Variants in CABCOCO1 observed in about 807,000 individuals in gnomAD.
The protein encoded by CABCOCO1 is ciliary associated calcium binding coiled-coil 1, also known as ciliary-associated calcium-binding coiled-coil protein 1.
A neutral mutation model predicts 35.7 loss-of-function variants in CABCOCO1; 28 were observed. The ratio of observed to expected loss-of-function variants is 0.78; its 90% CI spans 0.58 to 1.07. The LOEUF is 1.07. Among genes scored for constraint, CABCOCO1 ranks in the 50% least tolerant of loss-of-function variants. CABCOCO1 has a pLI of 0.00. For synonymous variants in CABCOCO1, 95 were observed against 100.1 expected (o/e 0.95, Z 0.30); for missense variants, 326 against 309.2 (o/e 1.05, Z -0.41).
chr10:61,754,616 C>A (rs1841859641), intron 5 of CABCOCO1, among the ~76,000 whole-genome samples: 1 of 152,058 alleles, frequency 6.6e-6, no homozygotes, highest in Non-Finnish European at 1.5e-5. Context: ...CCAAGCGAAA[C>A]AAGATCAAAT....
Position 61,760,729 on chromosome 10 carries a change from C to A in CABCOCO1, c.676-134C>A, listed in dbSNP as rs934622589. 4.8e-6 allele frequency: 5 copies of A among 1,032,576 alleles called. No homozygotes were observed. In the East Asian group the frequency reaches 7.9e-5, roughly 16 times the overall value. The allele number at this position is 1,032,576 out of a possible 1,614,324, so 64.0% of individuals were successfully genotyped here. The stretch of plus-strand genomic sequence containing the variant: ...GGCACACGTATACCTATGTAACAAA[C>A]CTACACACTTTGCACTTGTATCCTG... On this transcript the variant is annotated intron_variant, in intron 6 of 7. Transcript: ENST00000648843.
rs1382798563 is a variant in CABCOCO1, at chr10:61,766,611, T to G, written c.*598T>G. On this transcript the variant is annotated 3_prime_UTR_variant, in exon 8 of 8. Transcript: ENST00000648843. ...ATGCAGTTTGAAGCACTTTAATTTATTCTGTACTGTATTTGTTATTTCTAA... is the reference window on the plus strand; with the variant it reads ...ATGCAGTTTGAAGCACTTTAATTTAGTCTGTACTGTATTTGTTATTTCTAA... 1 of 152,170 alleles carries G rather than the reference T, an allele frequency of 6.6e-6. No individual in the cohort carries two copies. Among genetic ancestry groups the G allele is most frequent in the Admixed American group, 6.6e-5 (1 of 15,260 alleles). 9.4% of individuals were successfully genotyped at this position (152,170 alleles called of 1,614,324 possible).
chr10:61,675,920 T>C (rs1839500127), intron 2 of CABCOCO1, among the ~76,000 whole-genome samples: 1 of 152,154 alleles, frequency 6.6e-6, no homozygotes, highest in Non-Finnish European at 1.5e-5. Flanking sequence ...GAATATACAT[T>C]CAACATAGTG....
At position 61,688,161 on chromosome 10, in the gene CABCOCO1, GA is replaced by G. The variant is rs374992920; in HGVS notation, c.479+1984del. 1.4e-3 allele frequency among the ~76,000 whole-genome samples: 209 copies of G among 151,374 alleles called. 2 individuals are homozygous for G. Among genetic ancestry groups the G allele is most frequent in the African/African-American group, 4.7e-3 (195 of 41,260 alleles). On this transcript the variant is annotated intron_variant, in intron 4 of 7. Transcript: ENST00000648843. ...GTACCCTTAAAGTTAAAAGTTGAAG[GA>G]AAAAAAACAGTTTAATGACAATGAA...
intron 4 of CABCOCO1, among the ~76,000 whole-genome samples, chr10:61,689,384 G>C (rs1263534037): frequency 6.6e-6 from 1 of 152,110 alleles, no homozygotes; most frequent in Non-Finnish European, 1.5e-5. Context: ...TTACTTTTCT[G>C]AATGTTGATG....
At chr10:61,671,315 G>A (rs1454204359) in intron 1 of CABCOCO1, among the ~76,000 whole-genome samples, 1 of 151,078 alleles carries the variant, frequency 6.6e-6, no homozygotes, top group Non-Finnish European at 1.5e-5. Flanking sequence ...ACAGAGTGAG[G>A]CTCCGTCTCA....
intron 5 of CABCOCO1, among the ~76,000 whole-genome samples, chr10:61,749,841 T>G (rs753536865): frequency 6.6e-6 from 1 of 152,240 alleles, no homozygotes; most frequent in South Asian, 2.1e-4. Context: ...TTTGGCTCTT[T>G]CTCAAAACAT....
At chr10:61,666,389 G>A (rs74156244) in intron 1 of CABCOCO1, among the ~76,000 whole-genome samples, 2,394 of 152,280 alleles carry the variant, frequency 0.016, 68 homozygotes, top group African/African-American at 0.055. Context: ...TGGGGACAAT[G>A]CCAAAAAAGT....
Position 61,681,167 on chromosome 10 carries a change from C to T in CABCOCO1, c.189C>T (p.Phe63=). 1 of 1,468,278 alleles carries T rather than the reference C, an allele frequency of 6.8e-7. No homozygotes were observed. The highest frequency in any genetic ancestry group is 2.5e-5 in the Admixed American group (1 of 39,252). The allele number at this position is 1,468,278 out of a possible 1,614,324, so 91.0% of individuals were successfully genotyped here. ...VQEKLRIFLN[F]KNLETCLKDA... Reference sequence around the variant, plus strand: ...GAAAACTGAGAATATTTTTGAATTTCAAAAACCTTGAAACTTGTTTAAAGG... The same window carrying T: ...GAAAACTGAGAATATTTTTGAATTTTAAAAACCTTGAAACTTGTTTAAAGG... Residue 63 remains phenylalanine (F), a synonymous_variant, in exon 3 of 8, where the codon TTC becomes TTT. Transcript: ENST00000648843.
chr10:61,728,371 C>T (rs1402355671), intron 5 of CABCOCO1, among the ~76,000 whole-genome samples: 1 of 152,118 alleles, frequency 6.6e-6, no homozygotes, highest in East Asian at 1.9e-4. Flanking sequence ...GGAGACAGAG[C>T]TGCCAGCATT....
chr10:61,749,970 C>CTTT (rs5785493), intron 5 of CABCOCO1, among the ~76,000 whole-genome samples: 2 of 146,396 alleles, frequency 1.4e-5, no homozygotes, highest in Non-Finnish European at 1.5e-5. Flanking sequence ...ATGAGAGCTG[C>CTTT]TTTTTTTTTT....
In CABCOCO1 at chr10:61,760,306, A is replaced by G. The variant is rs184427616; in HGVS notation, c.675+125A>G. On this transcript the variant is annotated intron_variant, in intron 6 of 7. Coordinates refer to ENST00000648843, the MANE Select transcript of CABCOCO1 (RefSeq NM_001366906.2). ...TGATTTTTCCCAACCAAATACAAAT[A>G]TTTCTCTAAGTGTTGATTCAAAGAT... 4 of 1,299,012 alleles carry G rather than the reference A, an allele frequency of 3.1e-6. No individual in the cohort carries two copies. The Admixed American group carries it at 9.6e-5, about 31-fold the overall frequency. 80.5% of individuals were successfully genotyped at this position (1,299,012 alleles called of 1,614,324 possible).
At chr10:61,688,571 A>T (rs532965393) in intron 4 of CABCOCO1, among the ~76,000 whole-genome samples, 1 of 152,322 alleles carries the variant, frequency 6.6e-6, no homozygotes, top group East Asian at 1.9e-4. Flanking sequence ...CATCATTTAC[A>T]TATATACGGC....
intron 5 of CABCOCO1, among the ~76,000 whole-genome samples, chr10:61,738,521 ATAT>A (rs1841476428): frequency 6.6e-6 from 1 of 152,196 alleles, no homozygotes; most frequent in Admixed American, 6.5e-5. Flanking sequence ...TAGTAAACAA[ATAT>A]TATATTGCTA....
chr10:61,685,921 C>A (rs1478934309), intron 3 of CABCOCO1, 120 bp from the exon 4 acceptor site: 1 of 827,736 alleles, frequency 1.2e-6, no homozygotes, highest in Non-Finnish European at 1.8e-6. Context: ...AGAGTTTTAC[C>A]ATTTATCCTC....
chr10:61,689,052 G>C (rs1196301242), intron 4 of CABCOCO1, among the ~76,000 whole-genome samples: 9 of 152,124 alleles, frequency 5.9e-5, no homozygotes, highest in Admixed American at 5.2e-4. Context: ...GCAATTAAAA[G>C]AATAAGGCTG....
chr10:61,706,420 T>C (rs1331427693), intron 5 of CABCOCO1, among the ~76,000 whole-genome samples: 11 of 152,232 alleles, frequency 7.2e-5, no homozygotes, highest in Non-Finnish European at 1.6e-4. Context: ...ACTTGAAATG[T>C]TCCTTAAGAT....
intron 5 of CABCOCO1, among the ~76,000 whole-genome samples, chr10:61,756,639 C>T (rs1841902927): frequency 6.6e-6 from 1 of 152,002 alleles, no homozygotes; most frequent in African/African-American, 2.4e-5. Flanking sequence ...CAAGCAAAAC[C>T]AATCATTTGG....
intron 4 of CABCOCO1, among the ~76,000 whole-genome samples, chr10:61,689,231 T>C (rs1314513999): frequency 2.0e-5 from 3 of 152,214 alleles, no homozygotes; most frequent in African/African-American, 7.2e-5. Context: ...GCCAGTCTAA[T>C]ATTTTTTATC....
Sources: allele counts gnomAD v4.1 joint callset (sites outside exome capture counted in the v4.1 genomes callset), GRCh38; gene constraint gnomAD v4.1.1; transcripts MANE v1.5; gene names NCBI Gene and HGNC (gene_info 2026-07-23, HGNC 2026-07-21).